PPP1R13B: variants seen among roughly 807,000 people sequenced by gnomAD.
The protein encoded by PPP1R13B is apoptosis-stimulating of p53 protein 1.
In PPP1R13B, 44 loss-of-function variants were observed where a neutral mutation model predicts 119.8. The ratio of observed to expected loss-of-function variants is 0.37; its 90% CI spans 0.29 to 0.47. The LOEUF (loss-of-function observed/expected upper bound fraction) is 0.47, where lower values mean the gene tolerates loss of function less well. Ranked by LOEUF, PPP1R13B falls within the 20% of genes least tolerant of loss-of-function variation. The pLI is 0.99. For missense variants in PPP1R13B, 1,227 were observed against 1,413.5 expected (o/e 0.87, Z 2.12); for synonymous variants, 542 against 561.5 (o/e 0.97, Z 0.49).
At chr14:103,774,249 A>G (rs1289849694) in intron 4 of PPP1R13B, among the ~76,000 whole-genome samples, 1 of 152,216 alleles carries the variant, frequency 6.6e-6, no homozygotes, top group Non-Finnish European at 1.5e-5. Context: ...TGGATATCCT[A>G]GAATAAAGCA....
intron 5 of PPP1R13B, among the ~76,000 whole-genome samples, chr14:103,756,917 C>T (rs1372617687): frequency 1.6e-5 from 2 of 125,580 alleles, no homozygotes; most frequent in South Asian, 2.4e-4. Flanking sequence ...CGCCACCAAG[C>T]CTGGGTAATT....
chr14:103,736,486 G>A, intron 15 of PPP1R13B: 1 of 513,672 alleles, frequency 1.9e-6, no homozygotes, highest in East Asian at 3.2e-5. Flanking sequence ...TGTTCTTAAG[G>A]TGACGCTTAG....
At chr14:103,799,857 C>T (rs1311946931) in intron 1 of PPP1R13B, among the ~76,000 whole-genome samples, 1 of 151,742 alleles carries the variant, frequency 6.6e-6, no homozygotes, top group Non-Finnish European at 1.5e-5. Context: ...ACCAGCCTGG[C>T]CAACTTGGTG....
chr14:103,846,013 C>G (rs548581867), intron 1 of PPP1R13B, among the ~76,000 whole-genome samples: 236 of 152,286 alleles, frequency 1.5e-3, no homozygotes, highest in Middle Eastern at 0.014. Flanking sequence ...AGAGGTAATT[C>G]CAGGCTCAAA....
chr14:103,791,124 C>CTTCT (rs140148659), intron 2 of PPP1R13B, among the ~76,000 whole-genome samples: 48 of 145,028 alleles, frequency 3.3e-4, no homozygotes, highest in Middle Eastern at 3.5e-3. Flanking sequence ...CTTTTTTCTT[C>CTTCT]TTTTTTTTTT....
Position 103,819,625 on chromosome 14 carries a change from G to C in PPP1R13B, c.10-22107C>G, listed in dbSNP as rs140502714. ...TAGAGGTAATGCAAAATAGAACCTG[G>C]GTACACTGTAAAGTTAGCTCTGACA... is the stretch of plus-strand genomic sequence containing the variant. On this transcript the variant is annotated intron_variant, in intron 1 of 16. Coordinates refer to ENST00000202556, the MANE Select transcript of PPP1R13B (RefSeq NM_015316.3). 2.4e-3 allele frequency among the ~76,000 whole-genome samples: 361 copies of C among 152,196 alleles called. 1 individual carries two copies. The highest frequency in any genetic ancestry group is 8.4e-3 in the African/African-American group (349 of 41,536).
chr14:103,792,169 C>CGTGTGTGTGTGTGTGTGT (rs58782839), intron 2 of PPP1R13B, among the ~76,000 whole-genome samples: 83 of 137,246 alleles, frequency 6.0e-4, no homozygotes, highest in Admixed American at 2.0e-3. Context: ...CTCTATTCAT[C>CGTGTGTGTGTGTGTGTGT]GTGTGTGTGT....
At chr14:103,842,897 A>C (rs2086941563) in intron 1 of PPP1R13B, among the ~76,000 whole-genome samples, 1 of 151,648 alleles carries the variant, frequency 6.6e-6, no homozygotes, top group Admixed American at 6.6e-5. Context: ...GAATTGCTTG[A>C]ACCCGGGAGG....
In PPP1R13B at chr14:103,742,157, G is replaced by A; in HGVS notation, c.1455C>T (p.Gly485=). 6.2e-7 allele frequency: 1 copy of A among 1,610,534 alleles called. No homozygotes were observed. Among genetic ancestry groups the A allele is most frequent in the Non-Finnish European group, 8.5e-7 (1 of 1,179,994 alleles). ...GGCCTGCACTGGGCCTGGGCAAGCT[G>A]CCTTCCTTCCTCCTTTCCAGGGAGC... is the stretch of plus-strand genomic sequence containing the variant. ...STSSLERRKE[G]SLPRPSAGLP... Residue 485 remains glycine (G), a synonymous_variant, in exon 11 of 17, where the codon GGC becomes GGT. Transcript: ENST00000202556. The surrounding 1 kb of genome is among the most constrained non-coding windows in gnomAD (Gnocchi z 4.9).
chr14:103,744,117 A>G (rs1392885051), intron 9 of PPP1R13B: 4 of 152,206 alleles, frequency 2.6e-5, no homozygotes, highest in Non-Finnish European at 5.9e-5. Flanking sequence ...TCTCAGGGTC[A>G]CAGGGAATGT....
rs199919182 is a variant in PPP1R13B, at chr14:103,741,814, C to T, written c.1798G>A (p.Ala600Thr). 32 of 1,613,962 alleles carry T rather than the reference C, an allele frequency of 2.0e-5. No homozygotes were observed. The highest frequency in any genetic ancestry group is 5.3e-5 in the African/African-American group (4 of 74,924). ...PKNYQPAAHS[A>T]LNKSVKAVYG... ...CCTGCTTTAACTGACTTATTTAAGG[C>T]GCTGTGTGCTGCCGGCTGGTAATTC... is the stretch of plus-strand genomic sequence containing the variant. Residue 600 changes from alanine (A) to threonine (T), a missense_variant, in exon 11 of 17, where the codon GCC becomes ACC. By Grantham distance (58) the Ala-to-Thr change is moderately conservative (BLOSUM62 0). Transcript: ENST00000202556.
chr14:103,742,732 G>A lies in PPP1R13B; in HGVS notation c.1242C>T (p.Ser414=), dbSNP rs780595050. 26 of 1,613,980 alleles carry A rather than the reference G, an allele frequency of 1.6e-5. No individual in the cohort carries two copies. The highest frequency in any genetic ancestry group is 5.5e-5 in the South Asian group (5 of 91,090). The change falls in exon 10 of 17, where the codon AGC becomes AGT. Residue 414 remains serine (S), a synonymous_variant. Transcript: ENST00000202556. The surrounding 1 kb of genome is among the most constrained non-coding windows in gnomAD (Gnocchi z 4.9). The part of the protein sequence containing the change: ...QVAGADWKDP[S]VEGSVKQGTV... ...TGCCCTGCTTGACAGACCCCTCCAC[G>A]CTCGGATCCTTCCAGTCTGCACCGG...
chr14:103,837,892 A>G (rs1339806192), intron 1 of PPP1R13B, among the ~76,000 whole-genome samples: 9 of 152,104 alleles, frequency 5.9e-5, no homozygotes, highest in Non-Finnish European at 1.5e-5. Context: ...GCCAAGGCAG[A>G]CAGATCACCT....
chr14:103,740,671 G>T lies in PPP1R13B; in HGVS notation c.1823-78C>A. ...CATACACACCTATGATTACACCAGA[G>T]ACAGGCTCCTGCAAAGACACACATA... On this transcript the variant is annotated intron_variant, in intron 11 of 16. Coordinates refer to ENST00000202556, the MANE Select transcript of PPP1R13B (RefSeq NM_015316.3). The surrounding 1 kb of genome is among the most constrained non-coding windows in gnomAD (Gnocchi z 4.6). 8.1e-7 allele frequency: 1 copy of T among 1,241,070 alleles called. No individual in the cohort carries two copies. Among genetic ancestry groups the T allele is most frequent in the Non-Finnish European group, 1.1e-6 (1 of 945,708 alleles). The allele number at this position is 1,241,070 out of a possible 1,614,324, so 76.9% of individuals were successfully genotyped here.
chr14:103,802,476 C>T (rs148527791), intron 1 of PPP1R13B, among the ~76,000 whole-genome samples: 6 of 152,278 alleles, frequency 3.9e-5, no homozygotes, highest in Non-Finnish European at 5.9e-5. Context: ...CTCAGTACTT[C>T]GGAATCGGTT....
chr14:103,764,924 T>C (rs574669260), intron 4 of PPP1R13B, among the ~76,000 whole-genome samples: 49 of 152,244 alleles, frequency 3.2e-4, no homozygotes, highest in African/African-American at 1.1e-3. Flanking sequence ...GTTCATGCCA[T>C]TCTCCTGCCT....
chr14:103,738,264 C>T lies in PPP1R13B; in HGVS notation c.2865-404G>A, dbSNP rs1302211684. ...ACCCCCACAGGAGACCAACACGCCT[C>T]GCCCAGCAGCAGAGCTCCCGAAGGC... is the stretch of plus-strand genomic sequence containing the variant. On this transcript the variant is annotated intron_variant, in intron 14 of 16. Coordinates refer to ENST00000202556, the MANE Select transcript of PPP1R13B (RefSeq NM_015316.3). This position sits in a 1 kb window ranked among gnomAD's most constrained non-coding sequence, Gnocchi z 5.6. 8 of 278,262 alleles carry T rather than the reference C, an allele frequency of 2.9e-5. No individual in the cohort carries two copies. Among genetic ancestry groups the T allele is most frequent in the Admixed American group, 4.9e-5 (1 of 20,494 alleles). The allele number at this position is 278,262 out of a possible 1,614,324, so 17.2% of individuals were successfully genotyped here. A position where few individuals can be genotyped will look rare whatever the true frequency, so the allele number is the denominator to read the frequency against.
At chr14:103,777,039 C>A (rs1307083123) in intron 4 of PPP1R13B, among the ~76,000 whole-genome samples, 1 of 151,924 alleles carries the variant, frequency 6.6e-6, no homozygotes, top group East Asian at 2.0e-4. Flanking sequence ...CTTGCCCAGG[C>A]TGGAGTGCAG....
intron 4 of PPP1R13B, among the ~76,000 whole-genome samples, chr14:103,774,393 C>T (rs1029869545): frequency 3.3e-5 from 5 of 152,324 alleles, no homozygotes; most frequent in African/African-American, 9.6e-5. Flanking sequence ...CTCAAGAGAA[C>T]TCTATGCTTA....
Sources: gnomAD v4.1 joint callset for allele counts (sites outside exome capture counted in the v4.1 genomes callset) on GRCh38, gnomAD v4.1.1 for gene constraint, Gnocchi (gnomAD v3.1) non-coding constraint, MANE v1.5 for transcripts, NCBI Gene and HGNC (gene_info 2026-07-23, HGNC 2026-07-21) for gene names.